The following SMOC2 variants were observed in gnomAD, a reference collection of about 807,000 sequenced individuals.
The protein encoded by SMOC2 is SPARC-related modular calcium-binding protein 2.
SMOC2 carries 39 observed loss-of-function variants against 61.4 expected under a neutral mutation model. That is an observed-to-expected ratio of 0.64 (90% CI 0.49 to 0.83). The LOEUF is 0.83. SMOC2 is among the 40% of genes least tolerant of loss of function. The pLI is 0.00. For synonymous variants in SMOC2, 247 were observed against 239.9 expected (o/e 1.03, Z -0.27); for missense variants, 556 against 592.9 (o/e 0.94, Z 0.65).
intron 1 of SMOC2, among the ~76,000 whole-genome samples, chr6:168,492,126 A>T (rs1488770318): frequency 6.6e-6 from 1 of 152,228 alleles, no homozygotes. Context: ...GAGAAATTAC[A>T]GGTTGTATCT....
At chr6:168,650,575 G>T (rs1396027988) in intron 9 of SMOC2, 106 bp from the exon 10 acceptor site, 1 of 1,027,022 alleles carries the variant, frequency 9.7e-7, no homozygotes, top group Non-Finnish European at 1.4e-6. Context: ...ATTAAGGTAG[G>T]CCAAAATACT....
At chr6:168,548,021 A>C (rs1784046257) in intron 6 of SMOC2, among the ~76,000 whole-genome samples, 1 of 152,204 alleles carries the variant, frequency 6.6e-6, no homozygotes, top group African/African-American at 2.4e-5. Flanking sequence ...GGTATTTACC[A>C]GTGTATAAAA....
intron 2 of SMOC2, among the ~76,000 whole-genome samples, chr6:168,523,414 G>C (rs1188624416): frequency 8.9e-5 from 13 of 146,050 alleles, no homozygotes; most frequent in Non-Finnish European, 1.9e-4. Flanking sequence ...TTGTGGCAGA[G>C]TCTTGCTCTG....
intron 10 of SMOC2, 127 bp downstream of exon 10, chr6:168,650,910 G>T: frequency 2.5e-6 from 2 of 811,600 alleles, no homozygotes; most frequent in Non-Finnish European, 3.8e-6. Flanking sequence ...CCTTAAAAAG[G>T]AGCCTTCTGC....
At position 168,519,593 on chromosome 6, in the gene SMOC2, C is replaced by G. The variant is rs139633276; in HGVS notation, c.257-6753C>G. Among the ~76,000 whole-genome samples, 866 of 152,258 alleles carry G rather than the reference C, an allele frequency of 5.7e-3. 4 individuals are homozygous for G. The highest frequency in any genetic ancestry group is 8.7e-3 in the Non-Finnish European group (594 of 68,022). Reference sequence around the variant, plus strand: ...ACACAGCCGGACGTTCCTAGAACATCGCACATCCAAAGGGCCTTTCCTTGT... The same window carrying G: ...ACACAGCCGGACGTTCCTAGAACATGGCACATCCAAAGGGCCTTTCCTTGT... On this transcript the variant is annotated intron_variant, in intron 2 of 12. Coordinates refer to ENST00000356284, the MANE Select transcript of SMOC2 (RefSeq NM_001166412.2).
At position 168,642,699 on chromosome 6, in the gene SMOC2, T is replaced by G. The variant is rs533707382; in HGVS notation, c.908-7982T>G. Among the ~76,000 whole-genome samples the G allele has an allele frequency of 4.6e-5, 7 of 152,028 alleles. No homozygotes were observed. The South Asian group carries it at 1.5e-3, about 32-fold the overall frequency. On this transcript the variant is annotated intron_variant, in intron 9 of 12. Coordinates refer to ENST00000356284, the MANE Select transcript of SMOC2 (RefSeq NM_001166412.2). Reference sequence around the variant, plus strand: ...GACCAGGTCTCAGTTTGGAGGGGGGTTTATCAAAATAGACTTTGTATACCT... The same window carrying G: ...GACCAGGTCTCAGTTTGGAGGGGGGGTTATCAAAATAGACTTTGTATACCT...
At chr6:168,618,737 G>A (rs958428106) in intron 9 of SMOC2, among the ~76,000 whole-genome samples, 3 of 152,114 alleles carry the variant, frequency 2.0e-5, no homozygotes, top group East Asian at 1.9e-4. Context: ...AAGACGGTGC[G>A]CTCAGGACAT....
At chr6:168,663,736 G>A (rs1057100157) in intron 11 of SMOC2, among the ~76,000 whole-genome samples, 3 of 152,154 alleles carry the variant, frequency 2.0e-5, no homozygotes, top group Non-Finnish European at 4.4e-5. Context: ...AAAAAATGTA[G>A]TATAGCAAGT....
At chr6:168,448,839 G>T (rs1171689424) in intron 1 of SMOC2, among the ~76,000 whole-genome samples, 3 of 152,192 alleles carry the variant, frequency 2.0e-5, no homozygotes, top group Non-Finnish European at 4.4e-5. Context: ...TAATTCTAAT[G>T]TCTTTGGGCA....
At chr6:168,546,560 C>T (rs1340599371) in intron 5 of SMOC2, among the ~76,000 whole-genome samples, 5 of 152,188 alleles carry the variant, frequency 3.3e-5, no homozygotes, top group African/African-American at 7.2e-5. Flanking sequence ...CCCTCCACCC[C>T]GTGCCCCACT....
intron 1 of SMOC2, among the ~76,000 whole-genome samples, chr6:168,446,938 C>T (rs1335256890): frequency 6.6e-6 from 1 of 152,186 alleles, no homozygotes; most frequent in Non-Finnish European, 1.5e-5. Context: ...TTATGTATGA[C>T]ATAATGTGGC....
chr6:168,590,463 G>A (rs574715424), intron 7 of SMOC2, among the ~76,000 whole-genome samples: 5 of 151,932 alleles, frequency 3.3e-5, no homozygotes, highest in South Asian at 2.1e-4. Flanking sequence ...GGGGGCAGCC[G>A]GCCTGGTGGT....
intron 4 of SMOC2, among the ~76,000 whole-genome samples, chr6:168,532,258 G>T (rs189861833): frequency 6.6e-6 from 1 of 152,132 alleles, no homozygotes; most frequent in African/African-American, 2.4e-5. Flanking sequence ...CTGCTGCCCC[G>T]GTGTTCAAGG....
intron 4 of SMOC2, among the ~76,000 whole-genome samples, chr6:168,530,637 A>ACCCCCCCCCCCCC (rs3064057): frequency 1.0e-3 from 126 of 120,234 alleles, no homozygotes; most frequent in Middle Eastern, 4.2e-3. Context: ...TCACGGTGCA[A>ACCCCCCCCCCCCC]CCCCCCCCCC....
intron 9 of SMOC2, among the ~76,000 whole-genome samples, chr6:168,649,644 C>T (rs550484998): frequency 9.8e-5 from 15 of 152,336 alleles, no homozygotes; most frequent in African/African-American, 3.1e-4. Flanking sequence ...CAGTTGGAAT[C>T]GGCAAATTTT....
rs530555918 is a variant in SMOC2, at chr6:168,544,294, T to C, written c.511+622T>C. Among the ~76,000 whole-genome samples the C allele has an allele frequency of 4.7e-4, 71 of 152,310 alleles. No homozygotes were observed. The South Asian group carries it at 0.015, about 32-fold the overall frequency. ...CCAGGACACATTTCTGCTTTTCTCT[T>C]ACATCAGCCTTTAAAGTCAGACGTT... On this transcript the variant is annotated intron_variant, in intron 5 of 12. Transcript: ENST00000356284. This position sits in a 1 kb window ranked among gnomAD's most constrained non-coding sequence, Gnocchi z 4.1.
In SMOC2 at chr6:168,544,150, T is replaced by C. The variant is rs62424690; in HGVS notation, c.511+478T>C. On this transcript the variant is annotated intron_variant, in intron 5 of 12. Coordinates refer to ENST00000356284, the MANE Select transcript of SMOC2 (RefSeq NM_001166412.2). This position sits in a 1 kb window ranked among gnomAD's most constrained non-coding sequence, Gnocchi z 4.1. Reference sequence around the variant, plus strand: ...ACAGAACCCTTAACCTTAAACATCATGTCGCAGCCTGCAGGTCCTGTTTCG... The same window carrying C: ...ACAGAACCCTTAACCTTAAACATCACGTCGCAGCCTGCAGGTCCTGTTTCG... Among the ~76,000 whole-genome samples the C allele has an allele frequency of 3.8e-3, 576 of 152,256 alleles. 1 individual carries two copies. The highest frequency in any genetic ancestry group is 6.7e-3 in the Non-Finnish European group (459 of 68,014).
chr6:168,496,571 CAGCCCTCGAGTTCTGTCCCG>C (rs1562555832), intron 1 of SMOC2, among the ~76,000 whole-genome samples: 1 of 152,186 alleles, frequency 6.6e-6, no homozygotes. Flanking sequence ...CCTGTCGCCC[CAGCCCTCGAGTTCTGTCCCG>C]AGAGGTCCTT....
chr6:168,609,111 C>T (rs1298708110), intron 9 of SMOC2, among the ~76,000 whole-genome samples: 6 of 152,192 alleles, frequency 3.9e-5, no homozygotes, highest in African/African-American at 1.4e-4. Flanking sequence ...TTCATTGCTA[C>T]GTGTTCATAG....
Sources: gnomAD v4.1 joint callset for allele counts (sites outside exome capture counted in the v4.1 genomes callset) on GRCh38, gnomAD v4.1.1 for gene constraint, Gnocchi (gnomAD v3.1) non-coding constraint, MANE v1.5 for transcripts, NCBI Gene and HGNC (gene_info 2026-07-23, HGNC 2026-07-21) for gene names.